Variants in ODAD3 observed in about 807,000 individuals in gnomAD.
The protein encoded by ODAD3 is outer dynein arm docking complex subunit 3.
A neutral mutation model predicts 70.9 loss-of-function variants in ODAD3; 57 were observed. The observed-to-expected ratio is 0.80, with a 90% CI of 0.65 to 1.00. The LOEUF (loss-of-function observed/expected upper bound fraction) is 1.00. Among genes scored for constraint, ODAD3 ranks in the 50% least tolerant of loss-of-function variants. The pLI is 0.00. For synonymous variants in ODAD3, 327 were observed against 315.9 expected, an observed-to-expected ratio of 1.04 and a Z score of -0.37; for missense variants, 797 against 763.9, an observed-to-expected ratio of 1.04 and a Z score of -0.51.
chr19:11,423,996 C>A lies in ODAD3; in HGVS notation c.997G>T (p.Asp333Tyr). 1.2e-6 allele frequency: 2 copies of A among 1,612,050 alleles called. No individual in the cohort carries two copies. Among genetic ancestry groups the A allele is most frequent in the South Asian group, 2.2e-5 (2 of 91,050 alleles). ...HREHLLLQSD[D>Y]TIQDSLHAKE... Reference sequence around the variant, plus strand: ...GCATGCAGGCTGTCCTGGATGGTGTCGTCGGACTGTAGCAGCAGGTGCTCG... The same window carrying A: ...GCATGCAGGCTGTCCTGGATGGTGTAGTCGGACTGTAGCAGCAGGTGCTCG... The change falls in exon 8 of 13, where the codon GAC becomes TAC. Residue 333 changes from aspartate to tyrosine, a missense_variant. Physicochemically the swap from Asp to Tyr is radical, Grantham distance 160 (BLOSUM62 -3). Transcript: ENST00000356392.
chr19:11,434,264 G>A lies in ODAD3; in HGVS notation c.244+509C>T, dbSNP rs1599470967. Reference sequence around the variant, plus strand: ...AACGCGGGTGCAGTGGCTCACGCCTGTAATCCCAGCAGTTTGGGAGGCCGA... The same window carrying A: ...AACGCGGGTGCAGTGGCTCACGCCTATAATCCCAGCAGTTTGGGAGGCCGA... On this transcript the variant is annotated intron_variant, in intron 1 of 12. Coordinates refer to ENST00000356392, the MANE Select transcript of ODAD3 (RefSeq NM_145045.5). Among the ~76,000 whole-genome samples, 4 of 149,598 alleles carry A rather than the reference G, an allele frequency of 2.7e-5. 1 individual carries two copies. Among genetic ancestry groups the A allele is most frequent in the African/African-American group, 9.7e-5 (4 of 41,106 alleles).
chr19:11,434,718 G>A, intron 1 of ODAD3, 55 bp downstream of exon 1: 6 of 1,546,648 alleles, frequency 3.9e-6, no homozygotes, highest in Non-Finnish European at 5.3e-6. Flanking sequence ...ACACCATGAA[G>A]ATTGGATGGG....
chr19:11,425,736 G>C (rs1346699298), intron 7 of ODAD3, among the ~76,000 whole-genome samples: 2 of 143,490 alleles, frequency 1.4e-5, no homozygotes, highest in Non-Finnish European at 3.0e-5. Context: ...GGCAGGACAG[G>C]GCTTTGGTGA....
chr19:11,421,082 G>A (rs766437242), intron 12 of ODAD3, 46 bp downstream of exon 12: 2 of 1,602,308 alleles, frequency 1.2e-6, no homozygotes, highest in Non-Finnish European at 8.5e-7. Context: ...CTGCTACCCA[G>A]CTTGGGGCCC....
intron 3 of ODAD3, chr19:11,430,470 T>G: frequency 1.8e-6 from 1 of 551,186 alleles, no homozygotes; most frequent in Non-Finnish European, 3.2e-6. Flanking sequence ...GTTTTCCCTA[T>G]TAGGATATGA....
intron 7 of ODAD3, among the ~76,000 whole-genome samples, chr19:11,424,989 ACATATGTG>A (rs1969252854): frequency 7.6e-6 from 1 of 132,302 alleles, no homozygotes; most frequent in Admixed American, 7.2e-5. Flanking sequence ...GTGTATATGT[ACATATGTG>A]TATATGTATA....
intron 7 of ODAD3, among the ~76,000 whole-genome samples, chr19:11,425,651 G>T (rs1454680617): frequency 8.1e-6 from 1 of 123,454 alleles, no homozygotes; most frequent in African/African-American, 4.3e-5. Context: ...ATGTATATAC[G>T]TATATATATA....
chr19:11,422,596 G>T lies in ODAD3; in HGVS notation c.1309C>A (p.Arg437Ser). 1 of 1,596,528 alleles carries T rather than the reference G, an allele frequency of 6.3e-7. No individual in the cohort carries two copies. The highest frequency in any genetic ancestry group is 2.3e-5 in the East Asian group (1 of 44,358). ...QQKLQAEAQERLKKEERRHAE... is the reference protein window; with the variant it reads ...QQKLQAEAQESLKKEERRHAE... ...TGCCGCCGCTCCTCCTTCTTGAGAC[G>T]CTCCTGCGCCTCGGCTTGCAGTTTC... The change falls in exon 10 of 13, where the codon CGT (arginine) becomes AGT (serine). Residue 437 changes from arginine (R) to serine (S), a missense_variant. Transcript: ENST00000356392. This position sits in a 1 kb window ranked among gnomAD's most constrained non-coding sequence, Gnocchi z 4.6.
chr19:11,425,415 ATG>A (rs1206986421), intron 7 of ODAD3, among the ~76,000 whole-genome samples: 2 of 143,934 alleles, frequency 1.4e-5, no homozygotes, highest in South Asian at 2.1e-4. Flanking sequence ...ATATACATAT[ATG>A]TGTATATACA....
In ODAD3 at chr19:11,426,128, C is replaced by T; in HGVS notation, c.963+16G>A. On this transcript the variant is annotated intron_variant, in intron 7 of 12. Coordinates refer to ENST00000356392, the MANE Select transcript of ODAD3 (RefSeq NM_145045.5). ...CTGGGCTGGAGTCACAGGCGCGCACCCCTGGGTGCGCCCACCTTGCGCTCC... is the reference window on the plus strand; with the variant it reads ...CTGGGCTGGAGTCACAGGCGCGCACTCCTGGGTGCGCCCACCTTGCGCTCC... The T allele has an allele frequency of 1.9e-6, 3 of 1,601,716 alleles. No homozygotes were observed. Among genetic ancestry groups the T allele is most frequent in the Non-Finnish European group, 8.5e-7 (1 of 1,177,072 alleles).
chr19:11,434,739 C>T, intron 1 of ODAD3, 34 bp downstream of exon 1: 6 of 1,580,654 alleles, frequency 3.8e-6, no homozygotes, highest in Non-Finnish European at 4.3e-6. Flanking sequence ...CACTGTTGAC[C>T]CCTGACCCTC....
rs1186895349 is a variant in ODAD3, at chr19:11,425,455, ATG to A, written c.963+687_963+688del. Reference sequence around the variant, plus strand: ...TATGTGTATATGTATATATACATATATGTGTGTGTATATATGTATATATGTGT... The same window carrying A: ...TATGTGTATATGTATATATACATATATGTGTGTATATATGTATATATGTGT... On this transcript the variant is annotated intron_variant, in intron 7 of 12. Transcript: ENST00000356392. Among the ~76,000 whole-genome samples, 965 of 135,266 alleles carry A rather than the reference ATG, an allele frequency of 7.1e-3. 18 individuals carry two copies. Among genetic ancestry groups the A allele is most frequent in the Non-Finnish European group, 9.3e-3 (606 of 65,226 alleles). 88.7% of individuals were successfully genotyped at this position (135,266 alleles called of 152,430 possible). A position where few individuals can be genotyped will look rare whatever the true frequency, so the allele number is the denominator to read the frequency against.
chr19:11,434,663 C>T (rs1254473766), intron 1 of ODAD3, 110 bp downstream of exon 1: 3 of 1,404,856 alleles, frequency 2.1e-6, no homozygotes, highest in South Asian at 1.4e-5. Context: ...GAGTTTTTGC[C>T]CAGAAACGGT....
At chr19:11,429,298 G>A (rs549634085) in intron 3 of ODAD3, among the ~76,000 whole-genome samples, 15 of 151,300 alleles carry the variant, frequency 9.9e-5, no homozygotes, top group African/African-American at 2.9e-4. Flanking sequence ...TGCAAGCTCC[G>A]CCTCCCGGGT....
chr19:11,426,424 C>A (rs1389157512), intron 6 of ODAD3, 22 bp downstream of exon 6: 1 of 1,613,638 alleles, frequency 6.2e-7, no homozygotes, highest in Non-Finnish European at 8.5e-7. Flanking sequence ...GGCAGGATGG[C>A]CGAGGGCAAG....
At chr19:11,425,160 C>CGTGT (rs1969280430) in intron 7 of ODAD3, among the ~76,000 whole-genome samples, 2 of 102,892 alleles carry the variant, frequency 1.9e-5, no homozygotes, top group Admixed American at 9.0e-5. Flanking sequence ...TGTATATATA[C>CGTGT]ATATGTGTAT....
intron 6 of ODAD3, 89 bp downstream of exon 6, chr19:11,426,356 AG>A: frequency 6.2e-7 from 1 of 1,606,984 alleles, no homozygotes; most frequent in Non-Finnish European, 8.5e-7. Context: ...GCGGGGGCGT[AG>A]GGGAAGCTCA....
In ODAD3 at chr19:11,426,477, T is replaced by G. The variant is rs1326979360; in HGVS notation, c.809A>C (p.Gln270Pro). The G allele has an allele frequency of 6.2e-7, 1 of 1,613,878 alleles. No individual in the cohort carries two copies. The highest frequency in any genetic ancestry group is 1.3e-5 in the African/African-American group (1 of 74,878). ...HELEALHVVN[Q>P]EALNARDIAK... ...AATGTCCCGGGCATTGAGGGCCTCT[T>G]GGTTCACCACGTGCAGTGCCTCCAG... Residue 270 changes from glutamine to proline, a missense_variant, in exon 6 of 13, where the codon CAA becomes CCA. Transcript: ENST00000356392.
chr19:11,430,838 C>T, intron 2 of ODAD3, 61 bp downstream of exon 2: 2 of 1,613,932 alleles, frequency 1.2e-6, no homozygotes, highest in Non-Finnish European at 1.7e-6. Context: ...CCAGGTGCTA[C>T]CTACTTGTCC....
Sources: gnomAD v4.1 joint callset for allele counts (sites outside exome capture counted in the v4.1 genomes callset) on GRCh38, gnomAD v4.1.1 for gene constraint, Gnocchi (gnomAD v3.1) non-coding constraint, MANE v1.5 for transcripts, NCBI Gene and HGNC (gene_info 2026-07-23, HGNC 2026-07-21) for gene names.